LYG1: variants seen among roughly 807,000 people sequenced by gnomAD.
LYG1 encodes the protein lysozyme g-like protein 1.
A neutral mutation model predicts 21.7 loss-of-function variants in LYG1; 17 were observed. The ratio of observed to expected loss-of-function variants is 0.78; its 90% CI spans 0.54 to 1.18. The LOEUF is 1.18. Among genes scored for constraint, LYG1 ranks in the 50% most tolerant of loss-of-function variants. The pLI is 0.00. For synonymous variants in LYG1, 81 were observed against 87.4 expected (o/e 0.93, Z 0.41); for missense variants, 211 against 238.1 (o/e 0.89, Z 0.75).
intron 3 of LYG1, among the ~76,000 whole-genome samples, chr2:99,293,835 G>GGTATCT (rs2094128161): frequency 6.6e-6 from 1 of 152,144 alleles, no homozygotes; most frequent in South Asian, 2.1e-4. Flanking sequence ...GATACCTACA[G>GGTATCT]TAGGCAGGAA....
In LYG1 at chr2:99,292,529, T is replaced by C. The variant is rs376423189; in HGVS notation, c.148+7A>G. ...GATAGGTTGAGAGGGCGAAAGCTCA[T>C]AGCTACCACAGTAGTTCAGGCCGTG... On this transcript the variant is annotated splice_region_variant and intron_variant, in intron 4 of 6. Coordinates refer to ENST00000308528, the MANE Select transcript of LYG1 (RefSeq NM_174898.3). 3 of 1,607,116 alleles carry C rather than the reference T, an allele frequency of 1.9e-6. No individual in the cohort carries two copies. The highest frequency in any genetic ancestry group is 1.3e-5 in the African/African-American group (1 of 74,776).
intron 2 of LYG1, among the ~76,000 whole-genome samples, chr2:99,297,876 A>G (rs1328916826): frequency 6.6e-6 from 1 of 152,076 alleles, no homozygotes; most frequent in Non-Finnish European, 1.5e-5. Context: ...CACCATGCCC[A>G]GATAATTTTT....
chr2:99,291,493 GAA>G lies in LYG1; in HGVS notation c.149-74_149-73del, dbSNP rs1022869331. The G allele has an allele frequency of 8.7e-6, 13 of 1,486,056 alleles. No individual in the cohort carries two copies. The African/African-American group carries it at 1.8e-4, about 21-fold the overall frequency. 92.1% of individuals were successfully genotyped at this position (1,486,056 alleles called of 1,614,324 possible). A position where few individuals can be genotyped will look rare whatever the true frequency, so the allele number is the denominator to read the frequency against. On this transcript the variant is annotated intron_variant, in intron 4 of 6. Coordinates refer to ENST00000308528, the MANE Select transcript of LYG1 (RefSeq NM_174898.3). ...TGCAACAGGAGCTCAAGGGGAGAGA[GAA>G]AGAACAATCCAAGGATCTGAGTAAT...
At chr2:99,288,355 T>C (rs988471463) in intron 5 of LYG1, among the ~76,000 whole-genome samples, 2 of 152,212 alleles carry the variant, frequency 1.3e-5, no homozygotes, top group Non-Finnish European at 2.9e-5. Flanking sequence ...CTTTTGCATA[T>C]TCAAATGCTT....
At chr2:99,295,817 A>T in intron 2 of LYG1, 115 bp from the exon 3 acceptor site, 1 of 982,234 alleles carries the variant, frequency 1.0e-6, no homozygotes, top group Non-Finnish European at 1.6e-6. Context: ...TATCTGACCT[A>T]AGAAAATGAA....
chr2:99,303,632 T>C (rs1199647098), upstream of LYG1, among the ~76,000 whole-genome samples: 3 of 152,300 alleles, frequency 2.0e-5, no homozygotes, highest in South Asian at 4.1e-4. Context: ...GCTGATTGCA[T>C]TGGAGGTGAG....
At chr2:99,296,953 G>A (rs1477386121) in intron 2 of LYG1, among the ~76,000 whole-genome samples, 3 of 152,130 alleles carry the variant, frequency 2.0e-5, no homozygotes, top group Non-Finnish European at 4.4e-5. Context: ...AGAGGGTCAA[G>A]GGTGCAGTGA....
intron 5 of LYG1, among the ~76,000 whole-genome samples, chr2:99,287,074 C>T (rs919161905): frequency 2.0e-5 from 3 of 152,076 alleles, no homozygotes; most frequent in African/African-American, 7.2e-5. Flanking sequence ...TTCATAGAAG[C>T]AAAGAATAGA....
At chr2:99,298,722 C>T (rs1423038175) in intron 1 of LYG1, among the ~76,000 whole-genome samples, 173 bp from the exon 2 acceptor site, 1 of 152,036 alleles carries the variant, frequency 6.6e-6, no homozygotes, top group Non-Finnish European at 1.5e-5. Flanking sequence ...TGAAGGTGCC[C>T]CTGCCCCATT....
Position 99,292,498 on chromosome 2 carries a change from C to T in LYG1, c.148+38G>A, listed in dbSNP as rs749051066. The stretch of plus-strand genomic sequence containing the variant: ...CGTGAGGCATGGGAAACAGTGAAAG[C>T]CGGGGGATAGGTTGAGAGGGCGAAA... On this transcript the variant is annotated intron_variant, in intron 4 of 6. Transcript: ENST00000308528. 23 of 1,468,992 alleles carry T rather than the reference C, an allele frequency of 1.6e-5. No homozygotes were observed. In the South Asian group the frequency reaches 2.6e-4, roughly 17 times the overall value. The allele number at this position is 1,468,992 out of a possible 1,614,324, so 91.0% of individuals were successfully genotyped here. A position where few individuals can be genotyped will look rare whatever the true frequency, so the allele number is the denominator to read the frequency against.
rs1348031890 is a variant in LYG1 at position 99,284,525 on chromosome 2, GA to G, written c.467-15del. 2 of 1,612,906 alleles carry G rather than the reference GA, an allele frequency of 1.2e-6. No individual in the cohort carries two copies. Among genetic ancestry groups the G allele is most frequent in the African/African-American group, 2.7e-5 (2 of 74,916 alleles). On this transcript the variant is annotated splice_polypyrimidine_tract_variant and intron_variant, in intron 6 of 6. Transcript: ENST00000308528. ...CACAGAGTCCACCTGAAATGCATGA[GA>G]TAGGTTAATGCTGACCTAGGGTACT...
upstream of LYG1, among the ~76,000 whole-genome samples, chr2:99,302,854 C>T (rs1205036328): frequency 6.6e-6 from 1 of 151,868 alleles, no homozygotes; most frequent in Non-Finnish European, 1.5e-5. Flanking sequence ...CCCATCTCTA[C>T]TAAAAATACA....
intron 3 of LYG1, among the ~76,000 whole-genome samples, chr2:99,292,985 C>CTTTTTTTTTTTTTT (rs70940159): frequency 2.4e-5 from 2 of 83,162 alleles, no homozygotes; most frequent in African/African-American, 4.9e-5. Flanking sequence ...CCTCATCTTA[C>CTTTTTTTTTTTTTT]TTTTTTTTTT....
chr2:99,299,910 A>G (rs1454120905), intron 1 of LYG1, among the ~76,000 whole-genome samples: 3 of 151,658 alleles, frequency 2.0e-5, no homozygotes, highest in Non-Finnish European at 4.4e-5. Context: ...CTCCCTACAT[A>G]TATACACACA....
chr2:99,303,253 T>C (rs2094159491), upstream of LYG1, among the ~76,000 whole-genome samples: 1 of 151,934 alleles, frequency 6.6e-6, no homozygotes, highest in African/African-American at 2.4e-5. Flanking sequence ...ATGGAACTCA[T>C]CCATTTTATT....
chr2:99,297,404 G>A (rs1393891797), intron 2 of LYG1, among the ~76,000 whole-genome samples: 1 of 152,158 alleles, frequency 6.6e-6, no homozygotes, highest in East Asian at 1.9e-4. Flanking sequence ...TCAGGAAAAA[G>A]CACTGCTCAC....
chr2:99,284,520 C>T lies in LYG1; in HGVS notation c.467-9G>A, dbSNP rs1329562243. The T allele has an allele frequency of 2.5e-6, 4 of 1,613,526 alleles. No homozygotes were observed. In the African/African-American group the frequency reaches 4.0e-5, roughly 16 times the overall value. On this transcript the variant is annotated splice_polypyrimidine_tract_variant and intron_variant, in intron 6 of 6. Coordinates refer to ENST00000308528, the MANE Select transcript of LYG1 (RefSeq NM_174898.3). ...GTAGGCACAGAGTCCACCTGAAATG[C>T]ATGAGATAGGTTAATGCTGACCTAG...
intron 5 of LYG1, among the ~76,000 whole-genome samples, chr2:99,285,292 G>A (rs1366748772): frequency 7.9e-5 from 12 of 151,994 alleles, no homozygotes; most frequent in African/African-American, 2.9e-4. Context: ...AGCCTAAGAG[G>A]ATCAATTGAG....
At chr2:99,291,502 A>T (rs1233615710) in intron 4 of LYG1, 81 bp from the exon 5 acceptor site, 2 of 1,414,380 alleles carry the variant, frequency 1.4e-6, no homozygotes, top group Non-Finnish European at 2.0e-6. Flanking sequence ...AGAAAGAACA[A>T]TCCAAGGATC....
Sources: allele counts gnomAD v4.1 joint callset (sites outside exome capture counted in the v4.1 genomes callset), GRCh38; gene constraint gnomAD v4.1.1; transcripts MANE v1.5; gene names NCBI Gene and HGNC (gene_info 2026-07-23, HGNC 2026-07-21).